The following GABRB3 variants were observed in gnomAD, a reference collection of about 807,000 sequenced individuals.
GABRB3 encodes gamma-aminobutyric acid receptor subunit beta-3.
Under a neutral mutation model 52.1 loss-of-function variants are expected in GABRB3, and 14 were observed. The ratio of observed to expected loss-of-function variants is 0.27; its 90% CI spans 0.18 to 0.42. The LOEUF is 0.42. Among genes scored for constraint, GABRB3 ranks in the 10% least tolerant of loss-of-function variants. The pLI is 1.00. For missense variants in GABRB3, 307 were observed against 609.1 expected (o/e 0.50, Z 5.22); for synonymous variants, 260 against 232.3 (o/e 1.12, Z -1.08).
At chr15:26,706,285 A>G (rs895412762) in intron 3 of GABRB3, among the ~76,000 whole-genome samples, 1 of 152,212 alleles carries the variant, frequency 6.6e-6, no homozygotes, top group African/African-American at 2.4e-5. Flanking sequence ...ACAACCAGGC[A>G]TGACACATAC....
intron 3 of GABRB3, among the ~76,000 whole-genome samples, chr15:26,748,627 G>C (rs998366850): frequency 2.0e-5 from 3 of 152,118 alleles, no homozygotes; most frequent in Admixed American, 6.5e-5. Flanking sequence ...CAAATTAATT[G>C]ATTTTGGGGG....
chr15:26,547,575 C>T lies in GABRB3; in HGVS notation c.*218G>A, dbSNP rs1889304029. The T allele has an allele frequency of 1.7e-6, 1 of 599,670 alleles. No homozygotes were observed. The highest frequency in any genetic ancestry group is 3.0e-6 in the Non-Finnish European group (1 of 337,784). The allele number at this position is 599,670 out of a possible 1,614,324, so 37.1% of individuals were successfully genotyped here. On this transcript the variant is annotated 3_prime_UTR_variant, in exon 9 of 9. Transcript: ENST00000311550. ...TGTATTTGTCTTCCATACACATGGG[C>T]ACTGACTCCTGTGTGTATAAACATA...
chr15:26,594,406 T>G (rs1455322909), intron 4 of GABRB3, among the ~76,000 whole-genome samples: 1 of 152,128 alleles, frequency 6.6e-6, no homozygotes, highest in Non-Finnish European at 1.5e-5. Context: ...ATTTCAAAAC[T>G]TTTTTTGAAA....
chr15:26,772,811 G>T (rs1447221233), intron 1 of GABRB3, 39 bp from the exon 2 acceptor site: 15 of 1,504,166 alleles, frequency 1.0e-5, no homozygotes, highest in African/African-American at 2.9e-5. Context: ...CGGGGTCAGG[G>T]GCGGCTCAGC....
chr15:26,621,562 T>C lies in GABRB3; in HGVS notation c.241-28A>G, dbSNP rs202133988. 4.7e-5 allele frequency: 73 copies of C among 1,553,166 alleles called. 1 individual carries two copies. In the African/African-American group the frequency reaches 8.3e-4, roughly 18 times the overall value. The stretch of plus-strand genomic sequence containing the variant: ...GGGGGGAAAAGAAAAGAAAGAAAGT[T>C]AGTTTGTACCCAGCCACAGGTGTAT... On this transcript the variant is annotated intron_variant, in intron 3 of 8. Transcript: ENST00000311550. This position sits in a 1 kb window ranked among gnomAD's most constrained non-coding sequence, Gnocchi z 4.1.
At chr15:26,716,304 G>A (rs886538706) in intron 3 of GABRB3, among the ~76,000 whole-genome samples, 1 of 152,184 alleles carries the variant, frequency 6.6e-6, no homozygotes. Context: ...ATCCAACAAA[G>A]AGGTAGGATA....
Position 26,564,470 on chromosome 15 carries a change from C to T in GABRB3, c.835+3111G>A, listed in dbSNP as rs150586158. Among the ~76,000 whole-genome samples the T allele has an allele frequency of 2.8e-3, 433 of 152,302 alleles. 1 individual carries two copies. Among genetic ancestry groups the T allele is most frequent in the African/African-American group, 1.0e-2 (415 of 41,568 alleles). Reference sequence around the variant, plus strand: ...AGCAGAACAGGCCCTGAGTCCCTCCCGCGTTGAGTCCAGGTCCAACAGTGC... The same window carrying T: ...AGCAGAACAGGCCCTGAGTCCCTCCTGCGTTGAGTCCAGGTCCAACAGTGC... On this transcript the variant is annotated intron_variant, in intron 7 of 8. Transcript: ENST00000311550.
At chr15:26,589,697 C>T (rs1216892557) in intron 4 of GABRB3, among the ~76,000 whole-genome samples, 1 of 152,158 alleles carries the variant, frequency 6.6e-6, no homozygotes, top group East Asian at 1.9e-4. Flanking sequence ...GCTTGCTGGC[C>T]CCTCACTCAC....
intron 3 of GABRB3, among the ~76,000 whole-genome samples, chr15:26,670,071 G>A (rs1007777265): frequency 1.3e-5 from 2 of 152,224 alleles, no homozygotes; most frequent in African/African-American, 4.8e-5. Context: ...CACGTGAAGG[G>A]AGCTGCTCGA....
intron 3 of GABRB3, among the ~76,000 whole-genome samples, chr15:26,622,924 T>A (rs1892541352): frequency 6.6e-6 from 1 of 152,240 alleles, no homozygotes; most frequent in South Asian, 2.1e-4. Context: ...CCAAATGGGC[T>A]GGACAGTCTT....
intron 3 of GABRB3, chr15:26,658,440 T>C (rs1887440913): frequency 6.6e-6 from 1 of 152,234 alleles, no homozygotes; most frequent in South Asian, 2.1e-4. Flanking sequence ...CGACGGGCAC[T>C]TACATTGTTA....
At chr15:26,703,248 C>T (rs959950320) in intron 3 of GABRB3, among the ~76,000 whole-genome samples, 6 of 152,136 alleles carry the variant, frequency 3.9e-5, no homozygotes, top group African/African-American at 1.4e-4. Context: ...ATTCAGGCAC[C>T]GGCACCTGGT....
At chr15:26,599,882 A>G (rs1891525668) in intron 4 of GABRB3, among the ~76,000 whole-genome samples, 1 of 152,210 alleles carries the variant, frequency 6.6e-6, no homozygotes, top group African/African-American at 2.4e-5. Context: ...AAGCTCCAAC[A>G]ATGAACCCTC....
rs372359936 is a variant in GABRB3, at chr15:26,580,403, C to T, written c.598G>A (p.Val200Ile). Residue 200 changes from valine to isoleucine, a missense_variant, in exon 6 of 9, where the codon GTT becomes ATT. Coordinates refer to ENST00000311550, the MANE Select transcript of GABRB3 (RefSeq NM_000814.6). ...AGCTCAATCCTTTCCACTCCGGTAA[C>T]AGCCTTGTCCCCGCCTCGCCAGTAA... The part of the protein sequence containing the change: ...EFYWRGGDKA[V>I]TGVERIELPQ... 2 of 1,614,090 alleles carry T rather than the reference C, an allele frequency of 1.2e-6. No homozygotes were observed. Among genetic ancestry groups the T allele is most frequent in the South Asian group, 1.1e-5 (1 of 91,088 alleles).
intron 3 of GABRB3, among the ~76,000 whole-genome samples, chr15:26,646,006 A>G (rs1893338316): frequency 6.6e-6 from 1 of 152,130 alleles, no homozygotes; most frequent in African/African-American, 2.4e-5. Flanking sequence ...CATTTTCCAC[A>G]TTTCAGTAAT....
At chr15:26,769,951 A>G (rs991787722) in intron 3 of GABRB3, among the ~76,000 whole-genome samples, 2 of 143,754 alleles carry the variant, frequency 1.4e-5, no homozygotes, top group African/African-American at 5.2e-5. Flanking sequence ...TAAGGTGATT[A>G]ATAAAGCTCA....
intron 3 of GABRB3, among the ~76,000 whole-genome samples, chr15:26,729,050 A>G (rs1889841837): frequency 1.3e-5 from 2 of 152,196 alleles, no homozygotes; most frequent in Admixed American, 1.3e-4. Context: ...AACTTATAAG[A>G]AAGATACTTC....
chr15:26,644,606 C>T (rs773344113), intron 3 of GABRB3, among the ~76,000 whole-genome samples: 4 of 152,198 alleles, frequency 2.6e-5, no homozygotes, highest in Non-Finnish European at 5.9e-5. Context: ...TTCCAGCCTC[C>T]GGAACTGTGA....
chr15:26,579,704 T>C (rs1890719439), intron 6 of GABRB3, among the ~76,000 whole-genome samples: 1 of 152,212 alleles, frequency 6.6e-6, no homozygotes, highest in Admixed American at 6.5e-5. Context: ...AATATACATT[T>C]AGTAATTTAG....
Sources: gnomAD v4.1 joint callset for allele counts (sites outside exome capture counted in the v4.1 genomes callset) on GRCh38, gnomAD v4.1.1 for gene constraint, Gnocchi (gnomAD v3.1) non-coding constraint, MANE v1.5 for transcripts, NCBI Gene and HGNC (gene_info 2026-07-23, HGNC 2026-07-21) for gene names.